The following UNC5C variants were observed in gnomAD, a reference collection of about 807,000 sequenced individuals.
The protein encoded by UNC5C is netrin receptor UNC5C.
UNC5C carries 47 observed loss-of-function variants against 99.8 expected under a neutral mutation model. That is an observed-to-expected ratio of 0.47 (90% confidence interval 0.37 to 0.60). UNC5C has a LOEUF of 0.60. Ranked by LOEUF, UNC5C falls within the 20% of genes least tolerant of loss-of-function variation. The pLI, the probability that UNC5C is intolerant of heterozygous loss-of-function variation, is 0.00. For missense variants in UNC5C, 1,062 were observed against 1,165.9 expected, an observed-to-expected ratio of 0.91 and a Z score of 1.30; for synonymous variants, 487 against 452.2, an observed-to-expected ratio of 1.08 and a Z score of -0.98.
rs1560708386 is a variant in UNC5C at position 95,167,350 on chromosome 4, C to T, written c.*1884G>A. 1 of 152,126 alleles carries T rather than the reference C, an allele frequency of 6.6e-6. No homozygotes were observed. The highest frequency in any genetic ancestry group is 1.9e-4 in the East Asian group (1 of 5,196). 9.4% of individuals were successfully genotyped at this position (152,126 alleles called of 1,614,324 possible). On this transcript the variant is annotated 3_prime_UTR_variant, in exon 16 of 16. Transcript: ENST00000453304. Reference sequence around the variant, plus strand: ...TGTTTGTTAAAGAGCTTGTGATGGTCCCAAGGAAACATAATAGTTGTTTAC... The same window carrying T: ...TGTTTGTTAAAGAGCTTGTGATGGTTCCAAGGAAACATAATAGTTGTTTAC...
At chr4:95,482,162 G>GA (rs1721177570) in intron 1 of UNC5C, among the ~76,000 whole-genome samples, 1 of 151,620 alleles carries the variant, frequency 6.6e-6, no homozygotes, top group South Asian at 2.1e-4. Context: ...AAATTTACAA[G>GA]AAAAAAACAA....
chr4:95,520,096 A>T (rs1414304901), intron 1 of UNC5C, among the ~76,000 whole-genome samples: 2 of 152,220 alleles, frequency 1.3e-5, no homozygotes, highest in African/African-American at 4.8e-5. Flanking sequence ...TTGAAGCTCC[A>T]AAAAGGTAAA....
At chr4:95,389,647 T>C (rs1279837745) in intron 1 of UNC5C, among the ~76,000 whole-genome samples, 1 of 152,154 alleles carries the variant, frequency 6.6e-6, no homozygotes, top group Non-Finnish European at 1.5e-5. Context: ...ATCTTTGGAA[T>C]AACTTGGGTA....
In UNC5C at chr4:95,220,079, A is replaced by AT. The variant is rs747586731; in HGVS notation, c.1205dup (p.Tyr402Ter). ...ACTCAAAGTCACGATGATTCTTCCG[A>AT]TACACAAACAAGGCCACAACTACAG... ...AISVVVALFV[Y>*]RKNHRDFESD... Residue 402 changes from tyrosine (Y) to a stop codon, truncating the protein, a stop_gained and frameshift_variant, in exon 8 of 16, where the codon TAT (tyrosine) becomes TAAT (stop). Coordinates refer to ENST00000453304, the MANE Select transcript of UNC5C (RefSeq NM_003728.4). LOFTEE classifies it high-confidence loss of function. 6.2e-7 allele frequency: 1 copy of AT among 1,614,120 alleles called. No homozygotes were observed. The highest frequency in any genetic ancestry group is 8.5e-7 in the Non-Finnish European group (1 of 1,179,994).
intron 1 of UNC5C, among the ~76,000 whole-genome samples, chr4:95,379,645 A>C (rs1745003562): frequency 6.6e-6 from 1 of 152,206 alleles, no homozygotes; most frequent in African/African-American, 2.4e-5. Flanking sequence ...GAGAAAGAAG[A>C]AGCGCTCAAA....
At chr4:95,543,053 G>A (rs1722957469) in intron 1 of UNC5C, among the ~76,000 whole-genome samples, 1 of 152,052 alleles carries the variant, frequency 6.6e-6, no homozygotes, top group African/African-American at 2.4e-5. Flanking sequence ...CCAAGTTTCT[G>A]TGAGTAAAAC....
chr4:95,537,187 G>C (rs113824990), intron 1 of UNC5C, among the ~76,000 whole-genome samples: 10 of 152,086 alleles, frequency 6.6e-5, no homozygotes, highest in Non-Finnish European at 1.5e-4. Context: ...TAAAAGATGT[G>C]ATGCCTCTGG....
chr4:95,333,260 A>T (rs1743195062), intron 2 of UNC5C, among the ~76,000 whole-genome samples: 1 of 152,136 alleles, frequency 6.6e-6, no homozygotes, highest in Admixed American at 6.6e-5. Flanking sequence ...TGCTATAAAG[A>T]CACATGCACA....
intron 1 of UNC5C, among the ~76,000 whole-genome samples, chr4:95,344,103 A>G (rs1009910862): frequency 6.6e-6 from 1 of 152,092 alleles, no homozygotes; most frequent in Non-Finnish European, 1.5e-5. Flanking sequence ...GCTACAAAAC[A>G]TCAAGCAGGT....
intron 7 of UNC5C, among the ~76,000 whole-genome samples, chr4:95,223,352 A>C (rs1738548347): frequency 6.6e-6 from 1 of 152,190 alleles, no homozygotes; most frequent in African/African-American, 2.4e-5. Flanking sequence ...GTAATACTCA[A>C]GGGCAAAAAA....
intron 6 of UNC5C, 53 bp downstream of exon 6, chr4:95,244,924 C>T: frequency 6.2e-7 from 1 of 1,601,974 alleles, no homozygotes; most frequent in East Asian, 2.2e-5. Context: ...TCTCTAAAAG[C>T]ATGTTTCTTG....
intron 7 of UNC5C, among the ~76,000 whole-genome samples, chr4:95,222,485 TGG>T (rs1738507850): frequency 6.6e-6 from 1 of 152,178 alleles, no homozygotes; most frequent in Admixed American, 6.5e-5. Flanking sequence ...GAGCAAAAAC[TGG>T]TCTCGAGTCA....
At chr4:95,429,291 A>AAC (rs1553971809) in intron 1 of UNC5C, among the ~76,000 whole-genome samples, 48 of 135,130 alleles carry the variant, frequency 3.6e-4, no homozygotes, top group Non-Finnish European at 4.3e-4. Flanking sequence ...AAAAAAAAAA[A>AAC]AAAAAACAAA....
chr4:95,238,138 A>G (rs1307480797), intron 7 of UNC5C, among the ~76,000 whole-genome samples: 2 of 152,234 alleles, frequency 1.3e-5, no homozygotes, highest in Admixed American at 6.5e-5. Context: ...TGATTTAAGT[A>G]TGTGACTCAT....
intron 1 of UNC5C, among the ~76,000 whole-genome samples, chr4:95,491,642 A>C (rs1001379513): frequency 6.6e-6 from 1 of 151,664 alleles, no homozygotes; most frequent in African/African-American, 2.4e-5. Context: ...CACATCAGAT[A>C]GTTCCAGAAA....
At chr4:95,307,759 A>G (rs564055982) in intron 2 of UNC5C, among the ~76,000 whole-genome samples, 1 of 152,352 alleles carries the variant, frequency 6.6e-6, no homozygotes, top group African/African-American at 2.4e-5. Context: ...GCACATTAAA[A>G]GGATCATGCA....
At chr4:95,334,866 CA>C (rs1220260792) in intron 2 of UNC5C, among the ~76,000 whole-genome samples, 2 of 152,044 alleles carry the variant, frequency 1.3e-5, no homozygotes, top group Non-Finnish European at 2.9e-5. Flanking sequence ...TGTTCTGAAT[CA>C]CCCTCAATTT....
chr4:95,486,920 G>A (rs1391772556), intron 1 of UNC5C, among the ~76,000 whole-genome samples: 1 of 151,624 alleles, frequency 6.6e-6, no homozygotes, highest in Non-Finnish European at 1.5e-5. Flanking sequence ...AGGTATTTAG[G>A]TCATCAGGGC....
At chr4:95,392,443 TTA>T (rs1491394277) in intron 1 of UNC5C, among the ~76,000 whole-genome samples, 32 of 90,540 alleles carry the variant, frequency 3.5e-4, no homozygotes, top group African/African-American at 1.0e-3. Context: ...TTTTTTTTTT[TTA>T]AAAAAAAAAC....
Sources: allele counts gnomAD v4.1 joint callset (sites outside exome capture counted in the v4.1 genomes callset), GRCh38; gene constraint gnomAD v4.1.1; transcripts MANE v1.5; gene names NCBI Gene and HGNC (gene_info 2026-07-23, HGNC 2026-07-21).